MTCL1: variants seen among roughly 807,000 people sequenced by gnomAD.
MTCL1 encodes the protein microtubule cross-linking factor 1.
In MTCL1, 79 loss-of-function variants were observed where a neutral mutation model predicts 141.4. That is an observed-to-expected ratio of 0.56 (90% CI 0.47 to 0.67). The LOEUF is 0.67. MTCL1 is among the 30% of genes least tolerant of loss of function. The probability of loss-of-function intolerance (pLI) is 0.00; values close to 1 mark genes in which losing one functional copy is unlikely to be tolerated. For missense variants in MTCL1, 2,177 were observed against 2,113.9 expected, an observed-to-expected ratio of 1.03 and a Z score of -0.59; for synonymous variants, 914 against 875.8, an observed-to-expected ratio of 1.04 and a Z score of -0.77.
intron 4 of MTCL1, among the ~76,000 whole-genome samples, chr18:8,745,462 C>T (rs919208359): frequency 6.6e-5 from 10 of 152,180 alleles, no homozygotes; most frequent in Non-Finnish European, 1.2e-4. Flanking sequence ...ATGCTGATGC[C>T]GGCAGCTGGA....
chr18:8,783,918 A>T, exon 6 of MTCL1: 1 of 1,613,474 alleles, frequency 6.2e-7, no homozygotes, highest in Non-Finnish European at 8.5e-7. Flanking sequence ...GACTCCCTGG[A>T]GTCCTCCACT....
chr18:8,806,838 G>T, intron 10 of MTCL1, 55 bp from the exon 10 acceptor site: 1 of 1,577,448 alleles, frequency 6.3e-7, no homozygotes, highest in South Asian at 1.1e-5. Context: ...CTCCTCTTCT[G>T]ACCTAAAAAA....
intron 4 of MTCL1, among the ~76,000 whole-genome samples, chr18:8,749,777 A>G (rs1053530100): frequency 2.0e-5 from 3 of 152,160 alleles, no homozygotes; most frequent in African/African-American, 2.4e-5. Flanking sequence ...ATGGGGGCCT[A>G]TTCTTTCCTT....
At chr18:8,766,108 C>T (rs749901271) in intron 4 of MTCL1, among the ~76,000 whole-genome samples, 13 of 151,696 alleles carry the variant, frequency 8.6e-5, no homozygotes, top group Middle Eastern at 3.2e-3. Flanking sequence ...ATGTGAGAAG[C>T]TGGTCATAGA....
intron 5 of MTCL1, among the ~76,000 whole-genome samples, chr18:8,783,028 G>A (rs1339474044): frequency 6.6e-6 from 1 of 152,204 alleles, no homozygotes; most frequent in Non-Finnish European, 1.5e-5. Flanking sequence ...TGGATTGTGG[G>A]CCACTTTGAA....
Position 8,784,600 on chromosome 18 carries a change from G to A in MTCL1, c.1488G>A (p.Gln496=), listed in dbSNP as rs2096544432. 2.5e-6 allele frequency: 4 copies of A among 1,612,390 alleles called. No homozygotes were observed. In the African/African-American group the frequency reaches 4.0e-5, roughly 16 times the overall value. ...CGCCCTTACCGGGGCCTGGCCTCCA[G>A]GGCGAAGAGGAGCAGGGTGAGGGGG... Residue 496 remains glutamine (Q), a synonymous_variant, in exon 6 of 17, where the codon CAG becomes CAA. Transcript: ENST00000359865.
rs1598333173 is a variant in MTCL1 at position 8,705,698 on chromosome 18, C to T, written c.38C>T (p.Pro13Leu). 2.5e-6 allele frequency: 3 copies of T among 1,201,646 alleles called. No homozygotes were observed. Among genetic ancestry groups the T allele is most frequent in the Middle Eastern group, 3.0e-4 (1 of 3,352 alleles). 74.4% of individuals were successfully genotyped at this position (1,201,646 alleles called of 1,614,324 possible). The change falls in exon 1 of 14, where the codon CCG becomes CTG. Residue 13 changes from proline to leucine, a missense_variant. Pro to Leu is a moderately conservative substitution (Grantham distance 98). Transcript: ENST00000306329. This position sits in a 1 kb window ranked among gnomAD's most constrained non-coding sequence, Gnocchi z 5.2. Reference sequence around the variant, plus strand: ...AACGGCCCCGCGGGCGGAGGTGCCCCGGACGCGAAGCTGCAGCCGCCCGGC... The same window carrying T: ...AACGGCCCCGCGGGCGGAGGTGCCCTGGACGCGAAGCTGCAGCCGCCCGGC...
intron 4 of MTCL1, among the ~76,000 whole-genome samples, chr18:8,745,746 CAT>C (rs1251798872): frequency 1.3e-5 from 2 of 152,196 alleles, no homozygotes; most frequent in Admixed American, 6.5e-5. Flanking sequence ...ACATACATGA[CAT>C]AAAGTTTATC....
intron 8 of MTCL1, 34 bp from the exon 8 acceptor site, chr18:8,796,198 T>C (rs2143865477): frequency 6.2e-7 from 1 of 1,608,942 alleles, no homozygotes. Context: ...TTGGATTAGC[T>C]GCTTGTCACA....
chr18:8,770,069 A>G lies in MTCL1; in HGVS notation c.358-7764A>G, dbSNP rs559757514. ...TGGCAATTTGGGGCTAAGAAACCAG[A>G]AAACAGCCCAAATATGGGCGATTGG... On this transcript the variant is annotated intron_variant, in intron 4 of 16. Coordinates refer to ENST00000359865, the Ensembl canonical transcript of MTCL1. 3.3e-5 allele frequency among the ~76,000 whole-genome samples: 5 copies of G among 152,324 alleles called. No homozygotes were observed. In the South Asian group the frequency reaches 1.0e-3, roughly 32 times the overall value.
chr18:8,760,282 G>A (rs1186148295), intron 4 of MTCL1, among the ~76,000 whole-genome samples: 1 of 152,156 alleles, frequency 6.6e-6, no homozygotes, highest in African/African-American at 2.4e-5. Context: ...GCCGTGTGGT[G>A]GGCAAGTTAC....
intron 14 of MTCL1, 135 bp from the exon 14 acceptor site, chr18:8,824,564 G>A: frequency 1.5e-6 from 1 of 688,532 alleles, no homozygotes; most frequent in Admixed American, 2.9e-5. Flanking sequence ...CACATGAGCA[G>A]CTGACAGTGT....
chr18:8,815,671 G>A (rs919122172), intron 12 of MTCL1, among the ~76,000 whole-genome samples: 22 of 148,856 alleles, frequency 1.5e-4, no homozygotes, highest in Non-Finnish European at 3.0e-4. Flanking sequence ...AAAAGTCAGT[G>A]ACTTAAAGAT....
intron 4 of MTCL1, among the ~76,000 whole-genome samples, chr18:8,729,983 A>G (rs143865665): frequency 3.9e-5 from 6 of 152,232 alleles, no homozygotes; most frequent in South Asian, 2.1e-4. Context: ...TGTATATGCT[A>G]TGAAACTTAG....
Position 8,819,030 on chromosome 18 carries a change from GC to G in MTCL1, c.2931del (p.His980ThrfsTer32). 1 of 1,614,244 alleles carries G rather than the reference GC, an allele frequency of 6.2e-7. No homozygotes were observed. The highest frequency in any genetic ancestry group is 2.2e-5 in the East Asian group (1 of 44,888). On this transcript the variant is annotated frameshift_variant, in exon 13 of 17. Transcript: ENST00000359865. LOFTEE classifies it high-confidence loss of function. ...TGTGATCAAAAAGACGGCAACGTTC[GC>G]CCCTTTCCCCACCAGGGAAGCCTCC... is the stretch of plus-strand genomic sequence containing the variant.
intron 7 of MTCL1, among the ~76,000 whole-genome samples, chr18:8,788,685 C>T (rs2075609162): frequency 6.6e-6 from 1 of 152,190 alleles, no homozygotes; most frequent in African/African-American, 2.4e-5. Flanking sequence ...TGGAGGAGCC[C>T]TGCTGCTCAG....
At position 8,788,331 on chromosome 18, in the gene MTCL1, C is replaced by T. The variant is rs138277298; in HGVS notation, c.1887+2240C>T. ...CTCTACCTGTGTGGATCCCCTTTAG[C>T]TCTCTGCCCGTAGCTCCTCAGGGGT... On this transcript the variant is annotated intron_variant, in intron 7 of 16. Coordinates refer to ENST00000359865, the Ensembl canonical transcript of MTCL1. Among the ~76,000 whole-genome samples, 189 of 152,296 alleles carry T rather than the reference C, an allele frequency of 1.2e-3. 1 individual carries two copies. Among genetic ancestry groups the T allele is most frequent in the African/African-American group, 4.3e-3 (179 of 41,554 alleles).
At chr18:8,814,285 A>G (rs907214307) in intron 12 of MTCL1, among the ~76,000 whole-genome samples, 2 of 152,198 alleles carry the variant, frequency 1.3e-5, no homozygotes, top group Admixed American at 1.3e-4. Flanking sequence ...AATACACCGC[A>G]GGTGAGCTAT....
At chr18:8,808,000 T>A (rs1336346508) in intron 11 of MTCL1, among the ~76,000 whole-genome samples, 3 of 144,904 alleles carry the variant, frequency 2.1e-5, no homozygotes, top group Non-Finnish European at 4.5e-5. Flanking sequence ...AAAGACTTGA[T>A]GTGTCAAAAA....
Sources: allele counts gnomAD v4.1 joint callset (sites outside exome capture counted in the v4.1 genomes callset), GRCh38; gene constraint gnomAD v4.1.1; non-coding constraint Gnocchi (gnomAD v3.1); transcripts MANE v1.5; gene names NCBI Gene and HGNC (gene_info 2026-07-23, HGNC 2026-07-21).